The following XRCC5 variants were observed in gnomAD, a reference collection of about 807,000 sequenced individuals.
XRCC5 encodes the protein X-ray repair cross complementing 5.
In XRCC5, 12 loss-of-function variants were observed where a neutral mutation model predicts 95.7. The observed-to-expected ratio is 0.13, with a 90% confidence interval of 0.08 to 0.20. The LOEUF is 0.20. Among genes scored for constraint, XRCC5 ranks in the 10% least tolerant of loss-of-function variants. The pLI, the probability that XRCC5 is intolerant of heterozygous loss-of-function variation, is 1.00. For missense variants in XRCC5, 595 were observed against 873.9 expected, an observed-to-expected ratio of 0.68 and a Z score of 4.02; for synonymous variants, 281 against 290.3, an observed-to-expected ratio of 0.97 and a Z score of 0.33.
chr2:216,204,255 A>AATC (rs767693452), intron 19 of XRCC5, 67 bp from the exon 20 acceptor site: 3 of 1,583,670 alleles, frequency 1.9e-6, no homozygotes, highest in Non-Finnish European at 2.6e-6. Flanking sequence ...CAATGCTAGC[A>AATC]GATTGTTCCC....
chr2:216,172,872 C>T (rs1689195382), intron 16 of XRCC5, among the ~76,000 whole-genome samples: 1 of 151,258 alleles, frequency 6.6e-6, no homozygotes, highest in Non-Finnish European at 1.5e-5. Context: ...ACTGAGTTAT[C>T]CATGAACATG....
intron 18 of XRCC5, 70 bp downstream of exon 18, chr2:216,192,805 A>G: frequency 9.8e-7 from 1 of 1,024,220 alleles, no homozygotes; most frequent in Non-Finnish European, 1.4e-6. Context: ...TTCTAAATAT[A>G]CATATAAATT....
chr2:216,149,832 T>C (rs1322549587), intron 14 of XRCC5, among the ~76,000 whole-genome samples: 2 of 152,228 alleles, frequency 1.3e-5, no homozygotes, highest in African/African-American at 4.8e-5. Context: ...TTGGGTGTGC[T>C]GAGCTTCTTG....
At chr2:216,142,280 GAGA>G (rs1231173044) in intron 13 of XRCC5, among the ~76,000 whole-genome samples, 21 of 152,102 alleles carry the variant, frequency 1.4e-4, no homozygotes, top group African/African-American at 3.9e-4. Context: ...AACATTGTTA[GAGA>G]AGAAGTGTTC....
rs1321329696 is a variant in XRCC5 at position 216,181,604 on chromosome 2, G to A, written c.1835-8621G>A. ...AAGAGATGCTTGTGATTTGAGAACC[G>A]GTATATCTTTGGATCCCAATGCCGC... On this transcript the variant is annotated intron_variant, in intron 16 of 20. Transcript: ENST00000392132. Among the ~76,000 whole-genome samples, 11 of 152,222 alleles carry A rather than the reference G, an allele frequency of 7.2e-5. 1 individual carries two copies. In the South Asian group the frequency reaches 1.7e-3, roughly 23 times the overall value.
At chr2:216,152,975 A>T (rs1688772394) in intron 14 of XRCC5, among the ~76,000 whole-genome samples, 1 of 151,842 alleles carries the variant, frequency 6.6e-6, no homozygotes, top group Non-Finnish European at 1.5e-5. Context: ...CTCATGTTAA[A>T]TTTCTTTCAT....
At chr2:216,156,765 A>G in intron 14 of XRCC5, 3 of 531,418 alleles carry the variant, frequency 5.6e-6, no homozygotes, top group Non-Finnish European at 1.1e-5. Flanking sequence ...CATTGGAACA[A>G]AGTCTATGTC....
intron 16 of XRCC5, among the ~76,000 whole-genome samples, chr2:216,181,928 T>G (rs1447864275): frequency 6.6e-6 from 1 of 151,926 alleles, no homozygotes; most frequent in Non-Finnish European, 1.5e-5. Context: ...GGGGGGAAAA[T>G]GAAAAGAAAA....
Position 216,174,740 on chromosome 2 carries a change from A to G in XRCC5, c.1834+12692A>G, listed in dbSNP as rs554179369. 1.8e-4 allele frequency among the ~76,000 whole-genome samples: 27 copies of G among 152,338 alleles called. 1 individual carries two copies. The East Asian group carries it at 3.3e-3, about 19-fold the overall frequency. On this transcript the variant is annotated intron_variant, in intron 16 of 20. Coordinates refer to ENST00000392132, the MANE Select transcript of XRCC5 (RefSeq NM_021141.4). The stretch of plus-strand genomic sequence containing the variant: ...AGAAGGGTTTTCTGTTTAAGCTGCA[A>G]TAACTTTTCTGACCATGGATCACCA...
chr2:216,118,083 A>C (rs1017326993), intron 4 of XRCC5, among the ~76,000 whole-genome samples: 1 of 152,202 alleles, frequency 6.6e-6, no homozygotes, highest in Non-Finnish European at 1.5e-5. Context: ...TTTAAAAAAC[A>C]CTAAGTGGTA....
At chr2:216,130,353 A>G (rs917243564) in intron 8 of XRCC5, among the ~76,000 whole-genome samples, 1 of 152,068 alleles carries the variant, frequency 6.6e-6, no homozygotes, top group African/African-American at 2.4e-5. Flanking sequence ...ATAGAAAAAT[A>G]TATAACTTAT....
At chr2:216,123,205 A>G (rs1696844795) in intron 6 of XRCC5, among the ~76,000 whole-genome samples, 1 of 152,244 alleles carries the variant, frequency 6.6e-6, no homozygotes, top group Admixed American at 6.5e-5. Flanking sequence ...TTTTTTAAGT[A>G]GCTACAGTGT....
At chr2:216,174,634 G>A (rs1445600360) in intron 16 of XRCC5, among the ~76,000 whole-genome samples, 1 of 152,200 alleles carries the variant, frequency 6.6e-6, no homozygotes, top group Non-Finnish European at 1.5e-5. Context: ...AAAGAGCTCA[G>A]GAATGTACGT....
intron 20 of XRCC5, 71 bp from the exon 21 acceptor site, chr2:216,205,117 C>A: frequency 6.3e-7 from 1 of 1,580,556 alleles, no homozygotes; most frequent in Non-Finnish European, 8.7e-7. Flanking sequence ...TCATTAAACC[C>A]TCTCTCACCA....
chr2:216,199,643 C>G (rs536138447), intron 19 of XRCC5, among the ~76,000 whole-genome samples: 1 of 152,138 alleles, frequency 6.6e-6, no homozygotes, highest in East Asian at 1.9e-4. Context: ...CTTCATCTGT[C>G]AGTTCTCCTG....
rs372337447 is a variant in XRCC5 at position 216,188,066 on chromosome 2, C to T, written c.1835-2159C>T. On this transcript the variant is annotated intron_variant, in intron 16 of 20. Transcript: ENST00000392132. ...TTCCTCCAGCCATTTGCTGTCTAAT[C>T]CTCACTCTTTTTTCTTCCCCTATTT... Among the ~76,000 whole-genome samples the T allele has an allele frequency of 3.9e-5, 6 of 152,186 alleles. No individual in the cohort carries two copies. In the East Asian group the frequency reaches 1.2e-3, roughly 29 times the overall value.
intron 16 of XRCC5, among the ~76,000 whole-genome samples, chr2:216,164,403 C>T (rs1237628044): frequency 3.3e-5 from 5 of 152,218 alleles, no homozygotes; most frequent in Non-Finnish European, 7.3e-5. Flanking sequence ...TGTGCTAGCA[C>T]TTTTATGTTA....
At chr2:216,174,947 C>T (rs952955136) in intron 16 of XRCC5, 3 of 326,788 alleles carry the variant, frequency 9.2e-6, no homozygotes, top group Non-Finnish European at 1.8e-5. Context: ...CCGTAACCAC[C>T]ACCACCACAG....
At chr2:216,126,102 C>A (rs1204954769) in intron 7 of XRCC5, 71 bp downstream of exon 7, 1 of 1,224,952 alleles carries the variant, frequency 8.2e-7, no homozygotes, top group Non-Finnish European at 1.2e-6. Context: ...AAGGAACAGA[C>A]AATTCATGTG....
Sources: allele counts gnomAD v4.1 joint callset (sites outside exome capture counted in the v4.1 genomes callset), GRCh38; gene constraint gnomAD v4.1.1; transcripts MANE v1.5; gene names NCBI Gene and HGNC (gene_info 2026-07-23, HGNC 2026-07-21).